MAF: variants seen among roughly 807,000 people sequenced by gnomAD.
The protein encoded by MAF is transcription factor Maf.
Under a neutral mutation model 22.0 loss-of-function variants are expected in MAF, and 10 were observed. The ratio of observed to expected loss-of-function variants is 0.45; its 90% CI spans 0.28 to 0.77. MAF has a LOEUF of 0.77. Ranked by LOEUF, MAF falls within the 30% of genes least tolerant of loss-of-function variation. The pLI, the probability that MAF is intolerant of heterozygous loss-of-function variation, is 0.12. For missense variants in MAF, 544 were observed against 548.4 expected, an observed-to-expected ratio of 0.99 and a Z score of 0.08; for synonymous variants, 337 against 255.8, an observed-to-expected ratio of 1.32 and a Z score of -3.03.
chr16:79,348,004 C>G, the MAF span, among the ~76,000 whole-genome samples: 1 of 151,964 alleles, frequency 6.6e-6, no homozygotes, highest in Non-Finnish European at 1.5e-5. Context: ...TTAATATTGT[C>G]CTTTCAATGA....
At chr16:79,427,961 C>T in the MAF span, among the ~76,000 whole-genome samples, 1 of 151,962 alleles carries the variant, frequency 6.6e-6, no homozygotes, top group South Asian at 2.1e-4. Flanking sequence ...GAAGGAGGGA[C>T]ACCCTTGATT....
intron 1 of MAF, chr16:79,597,846 A>C: frequency 9.7e-7 from 1 of 1,027,188 alleles, no homozygotes; most frequent in Non-Finnish European, 1.2e-6. Context: ...AAAGTCTTTG[A>C]AACAGTTATA....
the MAF span, among the ~76,000 whole-genome samples, chr16:79,339,553 C>G: frequency 6.6e-6 from 1 of 152,138 alleles, no homozygotes; most frequent in East Asian, 1.9e-4. Context: ...AGAGAGATAG[C>G]TTGTGTTAAG....
chr16:79,419,873 C>A, the MAF span, among the ~76,000 whole-genome samples: 8 of 151,642 alleles, frequency 5.3e-5, 1 homozygote, highest in Non-Finnish European at 8.8e-5. Flanking sequence ...ACTTTGCTTT[C>A]TTTGGTCATT....
chr16:79,406,936 G>A, the MAF span, among the ~76,000 whole-genome samples: 1 of 152,106 alleles, frequency 6.6e-6, no homozygotes, highest in Non-Finnish European at 1.5e-5. Flanking sequence ...CTAACTCCTT[G>A]TCTGATGCTC....
downstream of MAF, among the ~76,000 whole-genome samples, chr16:79,583,628 C>T (rs371923049): frequency 1.3e-5 from 2 of 152,346 alleles, no homozygotes; most frequent in East Asian, 3.9e-4. Context: ...GGTCTTTCAG[C>T]GCATAACATG....
At chr16:79,544,465 AT>A in the MAF span, among the ~76,000 whole-genome samples, 2 of 151,986 alleles carry the variant, frequency 1.3e-5, no homozygotes, top group African/African-American at 4.8e-5. Context: ...TTCCATCATT[AT>A]TTTTTTCCTA....
the MAF span, among the ~76,000 whole-genome samples, chr16:79,322,185 A>G: frequency 1.3e-5 from 2 of 152,140 alleles, no homozygotes; most frequent in Admixed American, 1.3e-4. Context: ...TTGAGCCAAG[A>G]TCGCTCCACT....
Position 79,599,195 on chromosome 16 carries a change from GCCGCCT to G in MAF, c.702_707del (p.Gly237_Gly238del), listed in dbSNP as rs1913810067. On this transcript the variant is annotated inframe_deletion, in exon 1 of 2. Coordinates refer to ENST00000326043, the MANE Select transcript of MAF (RefSeq NM_005360.5). ...CGCCCCCCGCCCCCGCCGCGCCCCC[GCCGCCT>G]CCGCCGCCGCCGCCGCCGCCGCCGC... 1 of 972,194 alleles carries G rather than the reference GCCGCCT, an allele frequency of 1.0e-6. No homozygotes were observed. The highest frequency in any genetic ancestry group is 1.2e-6 in the Non-Finnish European group (1 of 819,040). 60.2% of individuals were successfully genotyped at this position (972,194 alleles called of 1,614,324 possible). A position where few individuals can be genotyped will look rare whatever the true frequency, so the allele number is the denominator to read the frequency against.
the MAF span, among the ~76,000 whole-genome samples, chr16:79,419,316 G>T: frequency 6.6e-6 from 1 of 152,204 alleles, no homozygotes; most frequent in Non-Finnish European, 1.5e-5. Flanking sequence ...CAAGGCTTCA[G>T]CCTTTGGTGT....
the MAF span, among the ~76,000 whole-genome samples, chr16:79,329,555 A>G: frequency 2.6e-5 from 4 of 152,144 alleles, no homozygotes; most frequent in South Asian, 8.3e-4. Flanking sequence ...AAAAAACTGT[A>G]CATTAAGCAA....
the MAF span, among the ~76,000 whole-genome samples, chr16:79,214,447 C>T: frequency 6.6e-6 from 1 of 152,176 alleles, no homozygotes. Flanking sequence ...CCACTGTCGC[C>T]CGGGCTGCAG....
At position 79,594,407 on chromosome 16, in the gene MAF, C is replaced by T; in HGVS notation, c.*53G>A. The T allele has an allele frequency of 6.7e-7, 1 of 1,492,992 alleles. No individual in the cohort carries two copies. The highest frequency in any genetic ancestry group is 1.4e-5 in the African/African-American group (1 of 71,824). 92.5% of individuals were successfully genotyped at this position (1,492,992 alleles called of 1,614,324 possible). On this transcript the variant is annotated 3_prime_UTR_variant, in exon 2 of 2. Transcript: ENST00000326043. ...AGGGGTAGGTGGTTCTCCATGACTG[C>T]AAATAATAATAATAATGATGATTTT...
chr16:79,395,195 C>T, the MAF span, among the ~76,000 whole-genome samples: 1 of 152,166 alleles, frequency 6.6e-6, no homozygotes, highest in Non-Finnish European at 1.5e-5. Flanking sequence ...GAAGGGGCAG[C>T]TTAGGCCTGA....
chr16:79,211,097 A>G, the MAF span, among the ~76,000 whole-genome samples: 1 of 150,812 alleles, frequency 6.6e-6, no homozygotes, highest in Non-Finnish European at 1.5e-5. Flanking sequence ...CCCTTCCCCT[A>G]GCAGCACCGT....
downstream of MAF, among the ~76,000 whole-genome samples, chr16:79,583,286 C>T (rs1912637310): frequency 6.6e-6 from 1 of 152,114 alleles, no homozygotes; most frequent in African/African-American, 2.4e-5. Context: ...TTACGTTTGA[C>T]AACTGTTTGA....
chr16:79,493,170 T>TTTTTGTTTTTTTGTTTTTGTTTTTG, the MAF span, among the ~76,000 whole-genome samples: 1 of 151,802 alleles, frequency 6.6e-6, no homozygotes, highest in African/African-American at 2.4e-5. Context: ...TTTGTTTTGT[T>TTTTTGTTTTTTTGTTTTTGTTTTTG]TTTTGTTTGT....
the MAF span, among the ~76,000 whole-genome samples, chr16:79,544,434 AT>A: frequency 6.6e-6 from 1 of 152,162 alleles, no homozygotes; most frequent in Non-Finnish European, 1.5e-5. Context: ...TGATTTCAAA[AT>A]TTTATTTCCC....
At chr16:79,295,138 C>G in the MAF span, among the ~76,000 whole-genome samples, 1 of 152,072 alleles carries the variant, frequency 6.6e-6, no homozygotes, top group Non-Finnish European at 1.5e-5. Flanking sequence ...AATGAAATCA[C>G]TGGGTTAGAT....
Sources: gnomAD v4.1 joint callset for allele counts (sites outside exome capture counted in the v4.1 genomes callset) on GRCh38, gnomAD v4.1.1 for gene constraint, MANE v1.5 for transcripts, NCBI Gene and HGNC (gene_info 2026-07-23, HGNC 2026-07-21) for gene names.